LHFPL3: variants seen among roughly 807,000 people sequenced by gnomAD.
The protein encoded by LHFPL3 is LHFPL tetraspan subfamily member 3 protein.
In LHFPL3, 5 loss-of-function variants were observed where a neutral mutation model predicts 19.3. The observed-to-expected ratio is 0.26, with a 90% CI of 0.14 to 0.54. LHFPL3 has a LOEUF of 0.54. Ranked by LOEUF, LHFPL3 falls within the 20% of genes least tolerant of loss-of-function variation. The pLI is 0.94. For synonymous variants in LHFPL3, 133 were observed against 126.2 expected (o/e 1.05, Z -0.36); for missense variants, 249 against 307.4 (o/e 0.81, Z 1.42).
intron 1 of LHFPL3, among the ~76,000 whole-genome samples, chr7:104,560,548 G>C (rs1487875135): frequency 6.7e-6 from 1 of 150,280 alleles, no homozygotes; most frequent in Non-Finnish European, 1.5e-5. Context: ...ATTTTTTATT[G>C]CGTCTATTTG....
chr7:104,499,715 G>A (rs1157060159), intron 1 of LHFPL3, among the ~76,000 whole-genome samples: 2 of 152,136 alleles, frequency 1.3e-5, no homozygotes, highest in Non-Finnish European at 2.9e-5. Flanking sequence ...TTTTTATTGG[G>A]ACGCTTAAAT....
At chr7:104,655,452 G>A (rs1191073587) in intron 1 of LHFPL3, among the ~76,000 whole-genome samples, 2 of 152,176 alleles carry the variant, frequency 1.3e-5, no homozygotes, top group African/African-American at 2.4e-5. Flanking sequence ...GGCAGGAAAT[G>A]TTTGGTATGG....
intron 1 of LHFPL3, among the ~76,000 whole-genome samples, chr7:104,438,465 C>A (rs1253304453): frequency 1.3e-5 from 2 of 152,236 alleles, no homozygotes; most frequent in African/African-American, 4.8e-5. Context: ...TAGAGACTTA[C>A]AAAAATAATT....
intron 1 of LHFPL3, among the ~76,000 whole-genome samples, chr7:104,445,349 C>T (rs1428327388): frequency 6.6e-6 from 1 of 152,174 alleles, no homozygotes; most frequent in Non-Finnish European, 1.5e-5. Flanking sequence ...TGCAGCTTCC[C>T]TTCTTACTAC....
chr7:104,828,256 C>A (rs1453620226), intron 2 of LHFPL3, among the ~76,000 whole-genome samples: 1 of 151,934 alleles, frequency 6.6e-6, no homozygotes, highest in African/African-American at 2.4e-5. Context: ...CTTTCCTGGG[C>A]CTTGCTGCCC....
At position 104,864,191 on chromosome 7, in the gene LHFPL3, A is replaced by C. The variant is rs1047875730; in HGVS notation, c.683-41996A>C. 2.0e-5 allele frequency among the ~76,000 whole-genome samples: 3 copies of C among 152,360 alleles called. No homozygotes were observed. The South Asian group carries it at 6.2e-4, about 32-fold the overall frequency. On this transcript the variant is annotated intron_variant, in intron 2 of 2. Transcript: ENST00000424859. ...GTCTACAGCTCCCAGCATGAGCAAC[A>C]CAGAAGATGGGTTATTTCTGCATTT...
intron 1 of LHFPL3, among the ~76,000 whole-genome samples, chr7:104,356,132 G>A (rs1403411481): frequency 2.0e-5 from 3 of 152,296 alleles, no homozygotes; most frequent in East Asian, 3.9e-4. Flanking sequence ...TGTAATGAAG[G>A]CATGAAAAAT....
At chr7:104,596,469 G>T (rs530209471) in intron 1 of LHFPL3, among the ~76,000 whole-genome samples, 6 of 152,282 alleles carry the variant, frequency 3.9e-5, no homozygotes, top group Admixed American at 2.0e-4. Context: ...AGTCTAAGTG[G>T]TCACTTTTTC....
chr7:104,364,192 A>G (rs1291561832), intron 1 of LHFPL3, among the ~76,000 whole-genome samples: 1 of 152,166 alleles, frequency 6.6e-6, no homozygotes, highest in Non-Finnish European at 1.5e-5. Context: ...TTATCCAAAG[A>G]TTTCCTCTTG....
chr7:104,462,039 G>A (rs1247734829), intron 1 of LHFPL3, among the ~76,000 whole-genome samples: 10 of 151,904 alleles, frequency 6.6e-5, no homozygotes, highest in South Asian at 2.1e-4. Context: ...TTTGGCTCTC[G>A]GCTTAGCTGT....
In LHFPL3 at chr7:104,654,150, T is replaced by C. The variant is rs572708570; in HGVS notation, c.446-82525T>C. Among the ~76,000 whole-genome samples, 3 of 152,254 alleles carry C rather than the reference T, an allele frequency of 2.0e-5. 1 individual carries two copies. Among genetic ancestry groups the C allele is most frequent in the African/African-American group, 7.2e-5 (3 of 41,538 alleles). On this transcript the variant is annotated intron_variant, in intron 1 of 2. Coordinates refer to ENST00000424859, the MANE Select transcript of LHFPL3 (RefSeq NM_199000.3). Reference sequence around the variant, plus strand: ...CTCCACATGTGATTTAATTAATAGGTTTCTTAGTCAGTTGCTTTATCTAAG... The same window carrying C: ...CTCCACATGTGATTTAATTAATAGGCTTCTTAGTCAGTTGCTTTATCTAAG...
intron 1 of LHFPL3, among the ~76,000 whole-genome samples, chr7:104,702,961 T>C (rs1305807335): frequency 1.3e-5 from 2 of 152,246 alleles, no homozygotes; most frequent in Non-Finnish European, 2.9e-5. Flanking sequence ...TCTACTGTCC[T>C]GTTTGTTGTG....
At chr7:104,373,895 G>A (rs1338438378) in intron 1 of LHFPL3, among the ~76,000 whole-genome samples, 1 of 152,092 alleles carries the variant, frequency 6.6e-6, no homozygotes. Context: ...GGCTTTGCAG[G>A]ATCATTTCAA....
intron 2 of LHFPL3, among the ~76,000 whole-genome samples, chr7:104,783,275 T>C (rs756657628): frequency 1.3e-5 from 2 of 152,234 alleles, no homozygotes; most frequent in Non-Finnish European, 2.9e-5. Flanking sequence ...GGACTGCTCC[T>C]GTGTGTTTCC....
chr7:104,742,509 C>T lies in LHFPL3; in HGVS notation c.682+5598C>T, dbSNP rs147540891. On this transcript the variant is annotated intron_variant, in intron 2 of 2. Coordinates refer to ENST00000424859, the MANE Select transcript of LHFPL3 (RefSeq NM_199000.3). The stretch of plus-strand genomic sequence containing the variant: ...CAAAATTTTTGTTTTAGGTATCACA[C>T]CATGCTATGGCCACACTGGGAGTGG... Among the ~76,000 whole-genome samples, 50 of 152,284 alleles carry T rather than the reference C, an allele frequency of 3.3e-4. No homozygotes were observed. In the East Asian group the frequency reaches 8.9e-3, roughly 27 times the overall value.
intron 1 of LHFPL3, among the ~76,000 whole-genome samples, chr7:104,570,716 C>T (rs115095041): frequency 6.6e-6 from 1 of 151,918 alleles, no homozygotes; most frequent in African/African-American, 2.4e-5. Context: ...TTCGGGGGTA[C>T]CTGTGAAAGT....
chr7:104,493,525 A>T (rs983013567), intron 1 of LHFPL3, among the ~76,000 whole-genome samples: 1 of 151,214 alleles, frequency 6.6e-6, no homozygotes, highest in Admixed American at 6.6e-5. Context: ...CACCTTCAAA[A>T]CTGAGTCCAC....
In LHFPL3 at chr7:104,841,100, T is replaced by G. The variant is rs145533023; in HGVS notation, c.683-65087T>G. On this transcript the variant is annotated intron_variant, in intron 2 of 2. Transcript: ENST00000424859. Reference sequence around the variant, plus strand: ...GAGGAAAGTATGCTTCACCCACACATGCATGGTGCCAGCAAGCCTCGGCTG... The same window carrying G: ...GAGGAAAGTATGCTTCACCCACACAGGCATGGTGCCAGCAAGCCTCGGCTG... 3.9e-4 allele frequency among the ~76,000 whole-genome samples: 59 copies of G among 152,278 alleles called. No individual in the cohort carries two copies. In the East Asian group the frequency reaches 5.2e-3, roughly 13 times the overall value.
intron 1 of LHFPL3, among the ~76,000 whole-genome samples, chr7:104,622,276 AT>A (rs995725448): frequency 6.6e-5 from 10 of 151,606 alleles, no homozygotes; most frequent in African/African-American, 1.9e-4. Flanking sequence ...CACTCAGCTC[AT>A]TTTTTTTGTA....
Sources: allele counts gnomAD v4.1 joint callset (sites outside exome capture counted in the v4.1 genomes callset), GRCh38; gene constraint gnomAD v4.1.1; transcripts MANE v1.5; gene names NCBI Gene and HGNC (gene_info 2026-07-23, HGNC 2026-07-21).